The following AFG2A variants were observed in gnomAD, a reference collection of about 807,000 sequenced individuals.
The protein encoded by AFG2A is ATPase family gene 2 protein homolog A.
chr4:123,293,212 C>G, the AFG2A span, among the ~76,000 whole-genome samples: 78,863 of 152,142 alleles, frequency 0.52, 24,756 homozygotes, highest in Non-Finnish European at 0.67. Context: ...GAGTCCCAGC[C>G]ACGTCTGCAG....
the AFG2A span, chr4:122,933,587 T>C: frequency 3.2e-6 from 3 of 943,256 alleles, no homozygotes; most frequent in Non-Finnish European, 4.9e-6. Context: ...ATATGCATAG[T>C]AGTTTTCTTC....
At chr4:123,042,334 C>CAGAG in the AFG2A span, among the ~76,000 whole-genome samples, 2 of 149,882 alleles carry the variant, frequency 1.3e-5, no homozygotes, top group Non-Finnish European at 3.0e-5. Flanking sequence ...TAGTGGAAAG[C>CAGAG]AGAGAGAGAG....
At chr4:123,086,707 A>G in the AFG2A span, among the ~76,000 whole-genome samples, 1 of 151,508 alleles carries the variant, frequency 6.6e-6, no homozygotes, top group Non-Finnish European at 1.5e-5. Context: ...TTTTTTTTTA[A>G]ATCTAGTCCA....
At chr4:123,295,568 G>C in the AFG2A span, among the ~76,000 whole-genome samples, 1 of 152,226 alleles carries the variant, frequency 6.6e-6, no homozygotes, top group Admixed American at 6.5e-5. Context: ...AAGTGAAAAA[G>C]ACAAAGCAGA....
At chr4:123,162,879 G>A in the AFG2A span, among the ~76,000 whole-genome samples, 1 of 151,978 alleles carries the variant, frequency 6.6e-6, no homozygotes, top group Admixed American at 6.6e-5. Context: ...TCTCTCTAGG[G>A]TTATTATACA....
the AFG2A span, among the ~76,000 whole-genome samples, chr4:122,939,289 TCA>T: frequency 6.6e-6 from 1 of 151,818 alleles, no homozygotes; most frequent in African/African-American, 2.4e-5. Context: ...TTCTCCATGT[TCA>T]GGCTGGTCTC....
At chr4:123,197,631 C>T in the AFG2A span, among the ~76,000 whole-genome samples, 1 of 151,748 alleles carries the variant, frequency 6.6e-6, no homozygotes, top group Non-Finnish European at 1.5e-5. Flanking sequence ...TAGCCGGGCA[C>T]AGTGGCGGCG....
chr4:123,255,305 G>A, the AFG2A span, among the ~76,000 whole-genome samples: 9 of 151,422 alleles, frequency 5.9e-5, no homozygotes, highest in South Asian at 1.1e-3. Context: ...CAGATCGAAC[G>A]CCTGAGGTCA....
chr4:122,937,915 T>A, the AFG2A span, among the ~76,000 whole-genome samples: 4 of 152,190 alleles, frequency 2.6e-5, no homozygotes, highest in African/African-American at 9.7e-5. Flanking sequence ...AGCCTTTTAA[T>A]GGAGGGCAGA....
At chr4:123,114,198 T>C in the AFG2A span, among the ~76,000 whole-genome samples, 1,533 of 152,148 alleles carry the variant, frequency 0.01, 36 homozygotes, top group African/African-American at 0.035. Context: ...GGGGAGGAAG[T>C]GCATGCCGAT....
At chr4:123,069,473 G>C in the AFG2A span, among the ~76,000 whole-genome samples, 1 of 152,070 alleles carries the variant, frequency 6.6e-6, no homozygotes, top group Non-Finnish European at 1.5e-5. Context: ...CAAAAGCTGA[G>C]TTGACTGGGA....
At chr4:123,018,029 T>A in the AFG2A span, among the ~76,000 whole-genome samples, 1 of 152,236 alleles carries the variant, frequency 6.6e-6, no homozygotes, top group African/African-American at 2.4e-5. Flanking sequence ...AAAGTATTTT[T>A]TTTTCTATTT....
At chr4:122,977,659 T>G in the AFG2A span, among the ~76,000 whole-genome samples, 5 of 152,242 alleles carry the variant, frequency 3.3e-5, 1 homozygote, top group East Asian at 1.9e-4. Context: ...TCAGTCCTGT[T>G]TGTGTTACAG....
the AFG2A span, among the ~76,000 whole-genome samples, chr4:123,019,563 G>A: frequency 6.6e-6 from 1 of 152,122 alleles, no homozygotes; most frequent in East Asian, 1.9e-4. Flanking sequence ...AACAAGGTGG[G>A]AATTGCTGCT....
chr4:123,005,628 C>T, the AFG2A span, among the ~76,000 whole-genome samples: 2 of 152,132 alleles, frequency 1.3e-5, no homozygotes, highest in Non-Finnish European at 2.9e-5. Context: ...GCATTCAAAG[C>T]CATAAACATT....
At chr4:123,021,642 T>G in the AFG2A span, among the ~76,000 whole-genome samples, 1 of 152,248 alleles carries the variant, frequency 6.6e-6, no homozygotes, top group Non-Finnish European at 1.5e-5. Context: ...GAAATGTTCC[T>G]CTTTGAGCAT....
chr4:123,236,725 A>C, the AFG2A span, among the ~76,000 whole-genome samples: 3 of 152,196 alleles, frequency 2.0e-5, no homozygotes, highest in Non-Finnish European at 4.4e-5. Flanking sequence ...TGTACAAGCC[A>C]TATCTCTCAA....
the AFG2A span, among the ~76,000 whole-genome samples, chr4:123,077,514 A>T: frequency 2.0e-5 from 3 of 152,214 alleles, no homozygotes. Flanking sequence ...GAAACGAATG[A>T]CTTCATTATT....
At chr4:123,294,988 T>C in the AFG2A span, among the ~76,000 whole-genome samples, 1 of 152,240 alleles carries the variant, frequency 6.6e-6, no homozygotes, top group East Asian at 1.9e-4. Flanking sequence ...CTAATTTTCC[T>C]ATTATCACTT....
Sources: allele counts gnomAD v4.1 joint callset (sites outside exome capture counted in the v4.1 genomes callset), GRCh38; gene constraint gnomAD v4.1.1; transcripts MANE v1.5; gene names NCBI Gene and HGNC (gene_info 2026-07-23, HGNC 2026-07-21).